ZNF101: variants seen among roughly 807,000 people sequenced by gnomAD.
The protein encoded by ZNF101 is zinc finger protein 101.
A neutral mutation model predicts 42.6 loss-of-function variants in ZNF101; 34 were observed. The ratio of observed to expected loss-of-function variants is 0.80; its 90% confidence interval spans 0.61 to 1.06. The LOEUF is 1.06. Ranked by LOEUF, ZNF101 falls within the 50% of genes least tolerant of loss-of-function variation. ZNF101 has a pLI of 0.00. For missense variants in ZNF101, 466 were observed against 530.9 expected, an observed-to-expected ratio of 0.88 and a Z score of 1.20; for synonymous variants, 158 against 183.9, an observed-to-expected ratio of 0.86 and a Z score of 1.14.
chr19:19,678,067 A>C, intron 2 of ZNF101, 77 bp downstream of exon 2: 1 of 1,569,260 alleles, frequency 6.4e-7, no homozygotes, highest in Non-Finnish European at 8.7e-7. Flanking sequence ...CACAGTTTGG[A>C]ATGTGGAAAG....
chr19:19,668,838 C>CA (rs1208160910), upstream of ZNF101: 8 of 1,258,320 alleles, frequency 6.4e-6, no homozygotes, highest in African/African-American at 3.1e-5. Flanking sequence ...GCCGGCCCCC[C>CA]ATTCGGGTCC....
Position 19,673,896 on chromosome 19 carries a change from C to T in ZNF101, c.4-3968C>T, listed in dbSNP as rs185455486. On this transcript the variant is annotated intron_variant, in intron 1 of 3. Coordinates refer to ENST00000592502, the MANE Select transcript of ZNF101 (RefSeq NM_033204.4). ...GCAACCTCTGTCTCCTGAGTTCAAGCGATTCTCCTGCCTCAGCCTCCCAAG... is the reference window on the plus strand; with the variant it reads ...GCAACCTCTGTCTCCTGAGTTCAAGTGATTCTCCTGCCTCAGCCTCCCAAG... Among the ~76,000 whole-genome samples the T allele has an allele frequency of 1.1e-3, 170 of 149,184 alleles. 1 individual carries two copies. Among genetic ancestry groups the T allele is most frequent in the South Asian group, 6.2e-3 (29 of 4,662 alleles).
At chr19:19,671,129 G>A (rs1006668642) in intron 1 of ZNF101, among the ~76,000 whole-genome samples, 4 of 152,048 alleles carry the variant, frequency 2.6e-5, no homozygotes, top group African/African-American at 9.7e-5. Context: ...ATAAAAAAAG[G>A]CATGGTAGAT....
intron 1 of ZNF101, 29 bp from the exon 2 acceptor site, chr19:19,677,832 CCCT>C: frequency 6.2e-7 from 1 of 1,603,490 alleles, no homozygotes; most frequent in Non-Finnish European, 8.5e-7. Context: ...TGAGTCTCAC[CCCT>C]CCTCCTCCAC....
At chr19:19,671,562 C>G (rs1282216260) in intron 1 of ZNF101, among the ~76,000 whole-genome samples, 8 of 150,622 alleles carry the variant, frequency 5.3e-5, no homozygotes, top group Admixed American at 1.3e-4. Flanking sequence ...TGCAGTGGCG[C>G]GATCTCGGCT....
chr19:19,669,497 A>G (rs1004615777), intron 1 of ZNF101, among the ~76,000 whole-genome samples: 2 of 151,948 alleles, frequency 1.3e-5, no homozygotes, highest in African/African-American at 4.8e-5. Flanking sequence ...TATTATCATT[A>G]TTTCTATTAT....
Position 19,680,130 on chromosome 19 carries a change from C to T in ZNF101, c.1141C>T (p.Leu381Phe), listed in dbSNP as rs779038355. The change falls in exon 4 of 4, where the codon CTC becomes TTC. Residue 381 changes from leucine (L) to phenylalanine (F), a missense_variant. Transcript: ENST00000592502. Reference sequence around the variant, plus strand: ...TAAAGCCTTTGGGTGGTGCAGTTCCCTCCGAAGACATGAAATGACTCACAC... The same window carrying T: ...TAAAGCCTTTGGGTGGTGCAGTTCCTTCCGAAGACATGAAATGACTCACAC... ...CGKAFGWCSS[L>F]RRHEMTHTGE... 1.9e-5 allele frequency: 31 copies of T among 1,612,872 alleles called. No homozygotes were observed. Among genetic ancestry groups the T allele is most frequent in the Non-Finnish European group, 2.1e-5 (25 of 1,179,712 alleles).
In ZNF101 at chr19:19,678,728, AT is replaced by A. The variant is rs778633651; in HGVS notation, c.134del (p.Ile45ThrfsTer19). Reference sequence around the variant, plus strand: ...ATTTCTCTGGGTCTACATTTTAGGAATCCAATGGAAAGACCAGGACATTGAG... The same window carrying A: ...ATTTCTCTGGGTCTACATTTTAGGAACCAATGGAAAGACCAGGACATTGAG... ...ETFRNLASVGIQWKDQDIENL... is the reference protein window; with the variant it reads ...ETFRNLASVGXQWKDQDIENL... On this transcript the variant is annotated frameshift_variant, in exon 3 of 4. Transcript: ENST00000592502. LOFTEE classifies it high-confidence loss of function. The A allele has an allele frequency of 2.5e-6, 4 of 1,603,174 alleles. No homozygotes were observed. Among genetic ancestry groups the A allele is most frequent in the Non-Finnish European group, 3.4e-6 (4 of 1,176,638 alleles).
chr19:19,679,039 C>T lies in ZNF101; in HGVS notation c.192-142C>T, dbSNP rs1157018173. On this transcript the variant is annotated intron_variant, in intron 3 of 3. Coordinates refer to ENST00000592502, the MANE Select transcript of ZNF101 (RefSeq NM_033204.4). ...GAGCTGGGTAGCAGAATCATCAATA[C>T]ACTTCCTTTCTAATAATTCTGACCC... The T allele has an allele frequency of 8.7e-6, 12 of 1,382,390 alleles. No homozygotes were observed. The African/African-American group carries it at 1.0e-4, about 12-fold the overall frequency. 85.6% of individuals were successfully genotyped at this position (1,382,390 alleles called of 1,614,324 possible).
rs1018467155 is a variant in ZNF101 at position 19,674,424 on chromosome 19, C to T, written c.4-3440C>T. Among the ~76,000 whole-genome samples the T allele has an allele frequency of 2.0e-5, 3 of 152,192 alleles. No homozygotes were observed. In the South Asian group the frequency reaches 6.2e-4, roughly 31 times the overall value. ...CTTCTCACCTCAAGTGATCTACTCG[C>T]CTCGACCTCCCGAAGTGCTGGGATT... On this transcript the variant is annotated intron_variant, in intron 1 of 3. Coordinates refer to ENST00000592502, the MANE Select transcript of ZNF101 (RefSeq NM_033204.4).
At chr19:19,677,738 G>A (rs1382108924) in intron 1 of ZNF101, 126 bp from the exon 2 acceptor site, 24 of 1,404,908 alleles carry the variant, frequency 1.7e-5, no homozygotes, top group Non-Finnish European at 2.3e-5. Context: ...GATAGGAGGA[G>A]GCCGATGACT....
Position 19,668,885 on chromosome 19 carries a change from A to T in ZNF101, c.-79A>T, listed in dbSNP as rs2062150765. On this transcript the variant is annotated 5_prime_UTR_variant, in exon 1 of 4. Transcript: ENST00000592502. The stretch of plus-strand genomic sequence containing the variant: ...CCTCGGGGAGCCCCTGGTGCCCCGG[A>T]TACGGCTGATTTTGTCGTGTGGGAC... The T allele has an allele frequency of 1.3e-6, 2 of 1,502,070 alleles. No individual in the cohort carries two copies. The highest frequency in any genetic ancestry group is 2.1e-5 in the Admixed American group (1 of 48,078). 93.0% of individuals were successfully genotyped at this position (1,502,070 alleles called of 1,614,324 possible). A position where few individuals can be genotyped will look rare whatever the true frequency, so the allele number is the denominator to read the frequency against.
Position 19,681,951 on chromosome 19 carries a change from T to G in ZNF101, c.*1651T>G, listed in dbSNP as rs2145065071. On this transcript the variant is annotated 3_prime_UTR_variant, in exon 4 of 4. Coordinates refer to ENST00000592502, the MANE Select transcript of ZNF101 (RefSeq NM_033204.4). ...TTTTTTTTTTTTTTTGAGATGGAGTTTTGCCCTGTCGCCCAGGCTGGAGTG... is the reference window on the plus strand; with the variant it reads ...TTTTTTTTTTTTTTTGAGATGGAGTGTTGCCCTGTCGCCCAGGCTGGAGTG... 1 of 148,800 alleles carries G rather than the reference T, an allele frequency of 6.7e-6. No homozygotes were observed. The highest frequency in any genetic ancestry group is 1.5e-5 in the Non-Finnish European group (1 of 67,060). 9.2% of individuals were successfully genotyped at this position (148,800 alleles called of 1,614,324 possible). A position where few individuals can be genotyped will look rare whatever the true frequency, so the allele number is the denominator to read the frequency against.
At chr19:19,670,534 A>G (rs903592073) in intron 1 of ZNF101, among the ~76,000 whole-genome samples, 1 of 152,086 alleles carries the variant, frequency 6.6e-6, no homozygotes, top group African/African-American at 2.4e-5. Context: ...GGGCGGGAAG[A>G]TCTCTTGAGC....
chr19:19,679,483 G>A lies in ZNF101; in HGVS notation c.494G>A (p.Arg165Gln), dbSNP rs746339800. 86 of 1,613,980 alleles carry A rather than the reference G, an allele frequency of 5.3e-5. No homozygotes were observed. In the East Asian group the frequency reaches 7.8e-4, roughly 15 times the overall value. Residue 165 changes from arginine to glutamine, a missense_variant, in exon 4 of 4, where the codon CGA becomes CAA. Arg to Gln is a conservative substitution (Grantham distance 43). Coordinates refer to ENST00000592502, the MANE Select transcript of ZNF101 (RefSeq NM_033204.4). ...SGARRTVTPT[R>Q]KRPYECKVCG... ...GCACGGCGCACAGTAACACCAACTCGAAAGAGACCTTATGAATGCAAGGTG... is the reference window on the plus strand; with the variant it reads ...GCACGGCGCACAGTAACACCAACTCAAAAGAGACCTTATGAATGCAAGGTG...
rs149165117 is a variant in ZNF101, at chr19:19,680,277, G to C, written c.1288G>C (p.Asp430His). 188 of 1,523,982 alleles carry C rather than the reference G, an allele frequency of 1.2e-4. No individual in the cohort carries two copies. The African/African-American group carries it at 2.2e-3, about 18-fold the overall frequency. 94.4% of individuals were successfully genotyped at this position (1,523,982 alleles called of 1,614,324 possible). ...RSQCFGRRQGDHLSPGV is the reference protein window; with the variant it reads ...RSQCFGRRQGHHLSPGV ...CCAGTGCTTTGGCAGGAGGCAGGGG[G>C]ATCACCTGAGCCCAGGAGTTTGAGA... is the stretch of plus-strand genomic sequence containing the variant. The change falls in exon 4 of 4, where the codon GAT becomes CAT. Residue 430 changes from aspartate to histidine, a missense_variant. Transcript: ENST00000592502.
rs752232747 is a variant in ZNF101 at position 19,678,761 on chromosome 19, T to G, written c.166T>G (p.Tyr56Asp). The change falls in exon 3 of 4, where the codon TAC becomes GAC. Residue 56 changes from tyrosine (Y) to aspartate (D), a missense_variant. Tyr to Asp is a radical substitution (Grantham distance 160). Transcript: ENST00000592502. ...GAAAGACCAGGACATTGAGAATCTGTACCAAAACCTGGGGATTAAGCTAAG... is the reference window on the plus strand; with the variant it reads ...GAAAGACCAGGACATTGAGAATCTGGACCAAAACCTGGGGATTAAGCTAAG... ...QWKDQDIENL[Y>D]QNLGIKLRSL... 1 of 1,611,980 alleles carries G rather than the reference T, an allele frequency of 6.2e-7. No homozygotes were observed. Among genetic ancestry groups the G allele is most frequent in the Non-Finnish European group, 8.5e-7 (1 of 1,179,410 alleles).
chr19:19,669,744 A>G (rs1178260332), intron 1 of ZNF101, among the ~76,000 whole-genome samples: 1 of 152,050 alleles, frequency 6.6e-6, no homozygotes, highest in Non-Finnish European at 1.5e-5. Context: ...CGGTCTCCCA[A>G]AGTGCTGGGA....
At chr19:19,672,739 C>T (rs1292514515) in intron 1 of ZNF101, among the ~76,000 whole-genome samples, 3 of 151,930 alleles carry the variant, frequency 2.0e-5, no homozygotes, top group African/African-American at 7.3e-5. Flanking sequence ...GTTGGCTAGG[C>T]CAGTCTGAAA....
Sources: allele counts gnomAD v4.1 joint callset (sites outside exome capture counted in the v4.1 genomes callset), GRCh38; gene constraint gnomAD v4.1.1; transcripts MANE v1.5; gene names NCBI Gene and HGNC (gene_info 2026-07-23, HGNC 2026-07-21).